Variants in KCNMA1 observed in about 807,000 individuals in gnomAD.
KCNMA1 encodes the protein potassium calcium-activated channel subfamily M alpha 1.
In KCNMA1, 29 loss-of-function variants were observed where a neutral mutation model predicts 140.0. The observed-to-expected ratio is 0.21, with a 90% CI of 0.15 to 0.28. The LOEUF (loss-of-function observed/expected upper bound fraction) is 0.28, where lower values mean the gene tolerates loss of function less well. KCNMA1 is among the 10% of genes least tolerant of loss of function. KCNMA1 has a pLI of 1.00. For missense variants in KCNMA1, 880 were observed against 1,602.2 expected, an observed-to-expected ratio of 0.55 and a Z score of 7.70; for synonymous variants, 612 against 611.9, an observed-to-expected ratio of 1.00 and a Z score of 0.00.
At chr10:76,953,242 G>A (rs1438006387) in intron 21 of KCNMA1, among the ~76,000 whole-genome samples, 1 of 152,150 alleles carries the variant, frequency 6.6e-6, no homozygotes, top group Non-Finnish European at 1.5e-5. Flanking sequence ...AGATGCACAA[G>A]GCTATTATCT....
At chr10:77,571,035 T>G (rs2071079471) in intron 1 of KCNMA1, among the ~76,000 whole-genome samples, 1 of 152,220 alleles carries the variant, frequency 6.6e-6, no homozygotes, top group South Asian at 2.1e-4. Context: ...CTGAAGATCT[T>G]CAGTTTCAGT....
rs12356282 is a variant in KCNMA1, at chr10:77,506,175, T to G, written c.379-102152A>C. The stretch of plus-strand genomic sequence containing the variant: ...TTTGGTGACTAACCCCTCTGGCTCT[T>G]GTGTAGAGCTAATTAGAGTTTCTTC... On this transcript the variant is annotated intron_variant, in intron 1 of 27. Transcript: ENST00000286628. Among the ~76,000 whole-genome samples, 695 of 152,268 alleles carry G rather than the reference T, an allele frequency of 4.6e-3. 19 individuals are homozygous for G. Among genetic ancestry groups the G allele is most frequent in the Non-Finnish European group, 6.1e-3 (413 of 68,012 alleles).
intron 2 of KCNMA1, among the ~76,000 whole-genome samples, chr10:77,364,122 C>T (rs183470609): frequency 6.6e-6 from 1 of 152,114 alleles, no homozygotes; most frequent in African/African-American, 2.4e-5. Flanking sequence ...AATTAAAATG[C>T]CAATTTTTAT....
intron 2 of KCNMA1, among the ~76,000 whole-genome samples, chr10:77,298,533 T>A (rs1018298756): frequency 1.3e-5 from 2 of 152,120 alleles, no homozygotes; most frequent in Non-Finnish European, 2.9e-5. Flanking sequence ...TGAGCCACCG[T>A]GCCCAAACTT....
chr10:77,483,029 CA>C (rs2098418680), intron 1 of KCNMA1, among the ~76,000 whole-genome samples: 3 of 146,248 alleles, frequency 2.1e-5, no homozygotes, highest in African/African-American at 5.3e-5. Flanking sequence ...CACACACACA[CA>C]CACACACACA....
Position 77,090,509 on chromosome 10 carries a change from G to A in KCNMA1, c.1225C>T (p.His409Tyr). 1.2e-6 allele frequency: 2 copies of A among 1,607,938 alleles called. No homozygotes were observed. The highest frequency in any genetic ancestry group is 1.7e-6 in the Non-Finnish European group (2 of 1,174,318). The change falls in exon 10 of 28, where the codon CAC becomes TAC. Residue 409 changes from histidine (H) to tyrosine (Y), a missense_variant and splice_region_variant. His to Tyr is a moderately conservative substitution (Grantham distance 83). This residue lies in a region of KCNMA1 where 198 missense variants were observed against 580.1 expected (regional missense o/e 0.34). Coordinates refer to ENST00000286628, the MANE Select transcript of KCNMA1 (RefSeq NM_001161352.2). ...GSYSAVSGRK[H>Y]IVVCGHITLE... is the part of the protein sequence containing the mutation. ...GTGATGTGTCCGCAGACCACAATGTGCCTGAACAGGAGAGGCCAGTTAGAT... is the reference window on the plus strand; with the variant it reads ...GTGATGTGTCCGCAGACCACAATGTACCTGAACAGGAGAGGCCAGTTAGAT...
chr10:77,037,430 T>A (rs534441472), intron 15 of KCNMA1, among the ~76,000 whole-genome samples: 2 of 152,316 alleles, frequency 1.3e-5, no homozygotes, highest in South Asian at 4.1e-4. Flanking sequence ...TTTGGAAATA[T>A]CAGCAACTAG....
At position 77,294,356 on chromosome 10, in the gene KCNMA1, A is replaced by G. The variant is rs189518949; in HGVS notation, c.541-43100T>C. On this transcript the variant is annotated intron_variant, in intron 2 of 27. Coordinates refer to ENST00000286628, the MANE Select transcript of KCNMA1 (RefSeq NM_001161352.2). Reference sequence around the variant, plus strand: ...GGCAGAACTATAATGAGATGTCCCCAGAGCTATTAGTGAATAACATGGCAG... The same window carrying G: ...GGCAGAACTATAATGAGATGTCCCCGGAGCTATTAGTGAATAACATGGCAG... Among the ~76,000 whole-genome samples the G allele has an allele frequency of 7.5e-4, 115 of 152,340 alleles. 1 individual carries two copies. In the East Asian group the frequency reaches 0.015, roughly 20 times the overall value.
At chr10:77,389,925 A>G (rs1340358205) in intron 2 of KCNMA1, among the ~76,000 whole-genome samples, 1 of 152,208 alleles carries the variant, frequency 6.6e-6, no homozygotes. Flanking sequence ...AAACCATGGG[A>G]GAGCCATGCA....
intron 3 of KCNMA1, among the ~76,000 whole-genome samples, chr10:77,233,652 T>A (rs1398319392): frequency 6.6e-6 from 1 of 152,198 alleles, no homozygotes; most frequent in Non-Finnish European, 1.5e-5. Context: ...AGTTATCTAC[T>A]GGGAAATCTA....
chr10:77,472,584 G>A (rs1414077130), intron 1 of KCNMA1, among the ~76,000 whole-genome samples: 1 of 152,174 alleles, frequency 6.6e-6, no homozygotes, highest in Non-Finnish European at 1.5e-5. Context: ...AGGAAGCAGA[G>A]GAAAATAGGC....
At chr10:76,878,716 T>C (rs1331184737) in intron 29 of KCNMA1, among the ~76,000 whole-genome samples, 1 of 152,126 alleles carries the variant, frequency 6.6e-6, no homozygotes, top group Non-Finnish European at 1.5e-5. Flanking sequence ...GAGAGAATGC[T>C]GAGTCAGGGC....
chr10:77,534,722 AT>A (rs2058469293), intron 1 of KCNMA1, among the ~76,000 whole-genome samples: 1 of 152,164 alleles, frequency 6.6e-6, no homozygotes, highest in Admixed American at 6.5e-5. Flanking sequence ...GTTAATAATA[AT>A]TTACTCTACA....
intron 14 of KCNMA1, among the ~76,000 whole-genome samples, chr10:77,061,777 A>G (rs1460893861): frequency 1.3e-5 from 2 of 152,242 alleles, no homozygotes; most frequent in South Asian, 2.1e-4. Context: ...GGATGAATGG[A>G]TAAACAAACT....
At position 77,572,569 on chromosome 10, in the gene KCNMA1, C is replaced by CATATATATATATATATAT. The variant is rs56706119; in HGVS notation, c.378+64678_378+64695dup. On this transcript the variant is annotated intron_variant, in intron 1 of 27. Coordinates refer to ENST00000286628, the MANE Select transcript of KCNMA1 (RefSeq NM_001161352.2). ...TGTCGCTCCAAAAAAAAAAAAAATC[C>CATATATATATATATATAT]ATATATATATATATATATATATATA... Among the ~76,000 whole-genome samples, 265 of 37,502 alleles carry CATATATATATATATATAT rather than the reference C, an allele frequency of 7.1e-3. 13 individuals are homozygous for CATATATATATATATATAT. The highest frequency in any genetic ancestry group is 8.7e-3 in the Non-Finnish European group (182 of 21,026). 24.6% of individuals were successfully genotyped at this position (37,502 alleles called of 152,430 possible). A position where few individuals can be genotyped will look rare whatever the true frequency, so the allele number is the denominator to read the frequency against.
intron 19 of KCNMA1, among the ~76,000 whole-genome samples, chr10:76,985,105 G>GT (rs1272707405): frequency 6.6e-6 from 1 of 152,210 alleles, no homozygotes; most frequent in Admixed American, 6.5e-5. Flanking sequence ...GCTGTTATAC[G>GT]TAAGAATTGT....
At chr10:77,290,634 TC>T (rs1221487673) in intron 2 of KCNMA1, among the ~76,000 whole-genome samples, 1 of 152,178 alleles carries the variant, frequency 6.6e-6, no homozygotes, top group Non-Finnish European at 1.5e-5. Flanking sequence ...AGCAAGTTTG[TC>T]CCTCAAAACC....
At chr10:77,409,742 G>A (rs531411137) in intron 1 of KCNMA1, among the ~76,000 whole-genome samples, 35 of 152,248 alleles carry the variant, frequency 2.3e-4, no homozygotes, top group South Asian at 1.7e-3. Context: ...GGCTGTCTCC[G>A]TCTCTCATCC....
intron 23 of KCNMA1, among the ~76,000 whole-genome samples, chr10:76,931,446 A>C (rs1036342801): frequency 1.3e-5 from 2 of 151,922 alleles, no homozygotes; most frequent in East Asian, 3.9e-4. Context: ...GGGTAGGTAC[A>C]AGACCCCTTT....
Sources: gnomAD v4.1 joint callset for allele counts (sites outside exome capture counted in the v4.1 genomes callset) on GRCh38, gnomAD v4.1.1 for gene constraint, gnomAD v4.1.1 regional missense constraint, MANE v1.5 for transcripts, NCBI Gene and HGNC (gene_info 2026-07-23, HGNC 2026-07-21) for gene names.